The following CERS3 variants were observed in gnomAD, a reference collection of about 807,000 sequenced individuals.
CERS3 encodes ceramide synthase 3, also known as LAG1 homolog, ceramide synthase 3.
In CERS3, 33 loss-of-function variants were observed where a neutral mutation model predicts 50.3. That is an observed-to-expected ratio of 0.66 (90% CI 0.50 to 0.88). The LOEUF is 0.88. Ranked by LOEUF, CERS3 falls within the 40% of genes least tolerant of loss-of-function variation. CERS3 has a pLI of 0.00. For missense variants in CERS3, 470 were observed against 460.3 expected (o/e 1.02, Z -0.19); for synonymous variants, 176 against 155.2 (o/e 1.13, Z -0.99).
At chr15:100,450,910 G>A (rs1393799019) in intron 11 of CERS3, among the ~76,000 whole-genome samples, 1 of 152,096 alleles carries the variant, frequency 6.6e-6, no homozygotes, top group Non-Finnish European at 1.5e-5. Context: ...CTGAAAGTGG[G>A]GGAGGGGGGG....
At chr15:100,491,424 A>G (rs2035648793) in intron 3 of CERS3, among the ~76,000 whole-genome samples, 1 of 152,128 alleles carries the variant, frequency 6.6e-6, no homozygotes. Context: ...AAAAACTGGC[A>G]AGTTGTTTTC....
chr15:100,527,296 C>CA (rs919654166), intron 1 of CERS3, among the ~76,000 whole-genome samples: 29 of 151,856 alleles, frequency 1.9e-4, no homozygotes, highest in Middle Eastern at 3.4e-3. Context: ...GACTCCATCT[C>CA]AAAAAAATAA....
chr15:100,544,016 G>C (rs991994679), intron 1 of CERS3: 3 of 152,278 alleles, frequency 2.0e-5, no homozygotes, highest in African/African-American at 7.2e-5. Context: ...CGGGGGAAAG[G>C]GGGTGGTGGC....
intron 3 of CERS3, among the ~76,000 whole-genome samples, chr15:100,494,840 A>T (rs1324569726): frequency 6.6e-6 from 1 of 152,240 alleles, no homozygotes; most frequent in African/African-American, 2.4e-5. Flanking sequence ...GCAGATAGCC[A>T]TGAACATGCA....
chr15:100,457,040 T>C (rs546129122), intron 10 of CERS3, among the ~76,000 whole-genome samples: 1 of 152,260 alleles, frequency 6.6e-6, no homozygotes, highest in East Asian at 1.9e-4. Context: ...TTTCAATAGG[T>C]TTGTTTGTAA....
At chr15:100,475,486 C>T (rs1014810306) in intron 8 of CERS3, among the ~76,000 whole-genome samples, 11 of 152,178 alleles carry the variant, frequency 7.2e-5, no homozygotes, top group Non-Finnish European at 1.3e-4. Flanking sequence ...CTTATGATTG[C>T]ATTCAGGATT....
At chr15:100,426,414 C>A (rs558789041) in intron 11 of CERS3, among the ~76,000 whole-genome samples, 1 of 152,244 alleles carries the variant, frequency 6.6e-6, no homozygotes, top group South Asian at 2.1e-4. Flanking sequence ...AAATAATACT[C>A]TAATGCCCGT....
At chr15:100,496,446 G>T (rs1596762088) in intron 3 of CERS3, among the ~76,000 whole-genome samples, 1 of 152,302 alleles carries the variant, frequency 6.6e-6, no homozygotes, top group South Asian at 2.1e-4. Flanking sequence ...TAATCTATAT[G>T]ATTTCACTTA....
Position 100,540,291 on chromosome 15 carries a change from C to G in CERS3, c.-355+4360G>C, listed in dbSNP as rs562685320. On this transcript the variant is annotated intron_variant, in intron 1 of 12. Transcript: ENST00000284382. ...GGCGCAGTGGCTCATACCTGTAATC[C>G]CAGCACTTTGGGAAGCCGAGGTGGG... Among the ~76,000 whole-genome samples, 3 of 152,300 alleles carry G rather than the reference C, an allele frequency of 2.0e-5. No homozygotes were observed. In the South Asian group the frequency reaches 6.2e-4, roughly 32 times the overall value.
chr15:100,490,754 A>T (rs2035625145), intron 4 of CERS3, 63 bp downstream of exon 4: 1 of 955,766 alleles, frequency 1.0e-6, no homozygotes, highest in Non-Finnish European at 1.7e-6. Context: ...AAGGTAAGCT[A>T]TAGATAATTG....
At chr15:100,500,766 T>C (rs1275781131) in intron 3 of CERS3, among the ~76,000 whole-genome samples, 1 of 152,226 alleles carries the variant, frequency 6.6e-6, no homozygotes, top group Non-Finnish European at 1.5e-5. Flanking sequence ...AGTGAAGTTG[T>C]TGTTTGTACA....
At chr15:100,487,587 T>G (rs906446792) in intron 4 of CERS3, among the ~76,000 whole-genome samples, 2 of 152,164 alleles carry the variant, frequency 1.3e-5, no homozygotes, top group Non-Finnish European at 2.9e-5. Context: ...GGTTGGAACA[T>G]GCAGGAAAGG....
chr15:100,420,947 C>G lies in CERS3; in HGVS notation c.1000-18082G>C, dbSNP rs865952639. Among the ~76,000 whole-genome samples the G allele has an allele frequency of 4.2e-3, 604 of 143,884 alleles. 4 individuals are homozygous for G. The highest frequency in any genetic ancestry group is 0.014 in the African/African-American group (549 of 38,946). 94.4% of individuals were successfully genotyped at this position (143,884 alleles called of 152,430 possible). On this transcript the variant is annotated intron_variant, in intron 11 of 11. Transcript: ENST00000679737. Reference sequence around the variant, plus strand: ...GGGACGTATTTCAAAATAATAAGAGCTATCTATGACAAACCCACAGCCAAT... The same window carrying G: ...GGGACGTATTTCAAAATAATAAGAGGTATCTATGACAAACCCACAGCCAAT...
intron 11 of CERS3, among the ~76,000 whole-genome samples, chr15:100,435,408 CT>C (rs1398060287): frequency 1.3e-5 from 2 of 152,198 alleles, no homozygotes; most frequent in Non-Finnish European, 2.9e-5. Context: ...TTGTTTTACA[CT>C]GGCTAGCCAT....
chr15:100,522,308 AT>A (rs1302933133), intron 1 of CERS3, among the ~76,000 whole-genome samples: 2 of 152,136 alleles, frequency 1.3e-5, no homozygotes, highest in Non-Finnish European at 2.9e-5. Flanking sequence ...CTTGGGAGAG[AT>A]TTTTTGACCA....
At chr15:100,427,646 T>C (rs938797873) in intron 11 of CERS3, among the ~76,000 whole-genome samples, 1 of 152,098 alleles carries the variant, frequency 6.6e-6, no homozygotes, top group Non-Finnish European at 1.5e-5. Flanking sequence ...CAAACATCAA[T>C]CTCTCGGGTA....
chr15:100,496,404 G>A (rs527707835), intron 3 of CERS3, among the ~76,000 whole-genome samples: 3 of 152,098 alleles, frequency 2.0e-5, no homozygotes, highest in Admixed American at 6.6e-5. Context: ...AAAGCATTAA[G>A]CTTAATGAAA....
At chr15:100,484,505 C>G in intron 5 of CERS3, 45 bp downstream of exon 5, 1 of 1,328,014 alleles carries the variant, frequency 7.5e-7, no homozygotes, top group Non-Finnish European at 1.1e-6. Context: ...CACTCAGCTC[C>G]AGATAGGACG....
chr15:100,532,750 C>G (rs554559175), upstream of CERS3, among the ~76,000 whole-genome samples: 15 of 152,258 alleles, frequency 9.9e-5, no homozygotes, highest in South Asian at 3.1e-3. Context: ...CAGAGTAAGA[C>G]CAAACTGCAT....
Sources: allele counts gnomAD v4.1 joint callset (sites outside exome capture counted in the v4.1 genomes callset), GRCh38; gene constraint gnomAD v4.1.1; transcripts MANE v1.5; gene names NCBI Gene and HGNC (gene_info 2026-07-23, HGNC 2026-07-21).